Variants in PAICS observed in about 807,000 individuals in gnomAD.
PAICS encodes bifunctional phosphoribosylaminoimidazole carboxylase/phosphoribosylaminoimidazole succinocarboxamide synthetase.
A neutral mutation model predicts 53.7 loss-of-function variants in PAICS; 33 were observed. The ratio of observed to expected loss-of-function variants is 0.61; its 90% confidence interval spans 0.47 to 0.82. The LOEUF (loss-of-function observed/expected upper bound fraction) is 0.82, where lower values mean the gene tolerates loss of function less well. PAICS is among the 40% of genes least tolerant of loss of function. The probability of loss-of-function intolerance (pLI) is 0.00; values close to 1 mark genes in which losing one functional copy is unlikely to be tolerated. For missense variants in PAICS, 394 were observed against 494.1 expected (o/e 0.80, Z 1.92); for synonymous variants, 141 against 167.2 (o/e 0.84, Z 1.21).
At chr4:56,433,566 C>A (rs1717719756), upstream of PAICS, among the ~76,000 whole-genome samples, 2 of 151,424 alleles carry the variant, frequency 1.3e-5, no homozygotes, top group Admixed American at 1.3e-4. Context: ...ATGAAAATTT[C>A]TTGAATAACT....
At chr4:56,446,985 G>C in intron 3 of PAICS, 112 bp downstream of exon 3, 2 of 600,734 alleles carry the variant, frequency 3.3e-6, no homozygotes, top group Non-Finnish European at 5.2e-6. Context: ...TTTTGATATT[G>C]CAAATGTCAT....
At chr4:56,435,900 G>A (rs1717898884), upstream of PAICS, 3 of 1,486,220 alleles carry the variant, frequency 2.0e-6, no homozygotes, top group Non-Finnish European at 2.7e-6. Flanking sequence ...GCCCTTCCCT[G>A]CATGCTTCCC....
At chr4:56,422,516 T>A in the PAICS span, 11 of 138,334 alleles carry the variant, frequency 8.0e-5, no homozygotes, top group Admixed American at 2.3e-4. Context: ...TGTGTGTGTG[T>A]GACAAAGTAT....
intron 1 of PAICS, among the ~76,000 whole-genome samples, chr4:56,440,879 C>T (rs548412501): frequency 5.3e-5 from 8 of 152,254 alleles, no homozygotes; most frequent in South Asian, 4.1e-4. Context: ...TTCTCTCTTT[C>T]GAAATTTTAA....
chr4:56,454,099 C>G (rs543787986), intron 8 of PAICS, among the ~76,000 whole-genome samples: 95 of 152,260 alleles, frequency 6.2e-4, no homozygotes, highest in African/African-American at 2.2e-3. Context: ...CTTCCTCTTT[C>G]AAGTTGACCA....
the PAICS span, among the ~76,000 whole-genome samples, chr4:56,429,355 A>G: frequency 6.6e-6 from 1 of 152,224 alleles, no homozygotes; most frequent in African/African-American, 2.4e-5. Context: ...AGATGTAAAA[A>G]GAAAAAAATC....
upstream of PAICS, among the ~76,000 whole-genome samples, chr4:56,432,296 A>G: frequency 6.6e-6 from 1 of 152,092 alleles, no homozygotes; most frequent in Middle Eastern, 3.2e-3. Context: ...GGGAGACCGA[A>G]GAGGGTGGAT....
chr4:56,453,493 G>T, intron 7 of PAICS, 110 bp from the exon 8 acceptor site: 1 of 575,196 alleles, frequency 1.7e-6, no homozygotes, highest in Non-Finnish European at 3.0e-6. Flanking sequence ...GACTATTCAA[G>T]GACCTCAAGT....
At chr4:56,433,868 T>G (rs1383628689), upstream of PAICS, among the ~76,000 whole-genome samples, 1 of 152,140 alleles carries the variant, frequency 6.6e-6, no homozygotes, top group African/African-American at 2.4e-5. Context: ...CTAATTGTAT[T>G]TTTAGCAGAG....
intron 2 of PAICS, among the ~76,000 whole-genome samples, chr4:56,444,236 A>T (rs1718481057): frequency 6.6e-6 from 1 of 152,202 alleles, no homozygotes; most frequent in South Asian, 2.1e-4. Context: ...ACTGTAAAGG[A>T]CTATATAAAT....
chr4:56,444,805 ATC>A (rs1560659316), intron 2 of PAICS, among the ~76,000 whole-genome samples: 1 of 151,332 alleles, frequency 6.6e-6, no homozygotes, highest in African/African-American at 2.4e-5. Context: ...TGGCGGGGGG[ATC>A]TCTCTAAGAC....
intron 2 of PAICS, among the ~76,000 whole-genome samples, chr4:56,446,198 A>G (rs1270017478): frequency 1.3e-5 from 2 of 152,234 alleles, no homozygotes; most frequent in African/African-American, 4.8e-5. Context: ...CAGTGGCATT[A>G]TGTGCATTCA....
the PAICS span, among the ~76,000 whole-genome samples, chr4:56,414,693 C>CT: frequency 6.6e-6 from 1 of 152,126 alleles, no homozygotes; most frequent in African/African-American, 2.4e-5. Context: ...GGTCCAGACT[C>CT]TTTTCTATGG....
intron 1 of PAICS, 47 bp downstream of exon 1, chr4:56,436,375 G>A: frequency 7.0e-7 from 1 of 1,420,598 alleles, no homozygotes; most frequent in South Asian, 1.2e-5. Flanking sequence ...TGACCCCCAG[G>A]CCGTGAGCTC....
rs1183609244 is a variant in PAICS at position 56,453,749 on chromosome 4, C to T, written c.1099C>T (p.Arg367Ter). 4.3e-5 allele frequency: 66 copies of T among 1,545,086 alleles called. No individual in the cohort carries two copies. The highest frequency in any genetic ancestry group is 7.3e-5 in the East Asian group (3 of 40,878). The stretch of plus-strand genomic sequence containing the variant: ...AGTTCAGGATGTGTGGTCTTCTCTT[C>T]GACTACCCAGTGGTAAGATACATTG... ...WGVQDVWSSL[R>*]LPSGLGCSTV... The change falls in exon 8 of 9, where the codon CGA becomes TGA. Residue 367 changes from arginine (R) to a stop codon, truncating the protein, a stop_gained. Coordinates refer to ENST00000512576, the MANE Select transcript of PAICS (RefSeq NM_001079524.2). LOFTEE classifies it high-confidence loss of function.
In PAICS at chr4:56,459,540, A is replaced by G. The variant is rs1210753047; in HGVS notation, c.*2A>G. The G allele has an allele frequency of 2.6e-6, 4 of 1,539,856 alleles. No homozygotes were observed. On this transcript the variant is annotated 3_prime_UTR_variant, in exon 9 of 9. Transcript: ENST00000512576. ...AAAATCAGAGAATGTAATTTATAAG[A>G]AAGAATGCCATTGAATTTTTTAGGG...
At chr4:56,425,641 G>T in the PAICS span, among the ~76,000 whole-genome samples, 343 of 152,280 alleles carry the variant, frequency 2.3e-3, no homozygotes, top group African/African-American at 7.7e-3. Flanking sequence ...CAGAGACAGA[G>T]GCATCTTTGT....
chr4:56,419,012 T>C, the PAICS span, among the ~76,000 whole-genome samples: 1 of 152,244 alleles, frequency 6.6e-6, no homozygotes, highest in Non-Finnish European at 1.5e-5. Context: ...GCACTGATTG[T>C]TCTGTGTGAC....
In PAICS at chr4:56,441,807, C is replaced by A; in HGVS notation, c.161C>A (p.Ala54Asp). Residue 54 changes from alanine (A) to aspartate (D), a missense_variant, in exon 2 of 9, where the codon GCT becomes GAT. Ala to Asp is a moderately radical substitution (Grantham distance 126). Around this residue, in one of 3 missense-constraint regions of PAICS, gnomAD observed 168 missense variants for 199.3 expected, o/e 0.84. Transcript: ENST00000512576. ...AGAAAAAACCACCTGGAAGGAAAAG[C>A]TGCAATCTCAAATAAAATCACCAGT... ...AARKNHLEGKAAISNKITSCI... is the reference protein window; with the variant it reads ...AARKNHLEGKDAISNKITSCI... 1 of 1,600,754 alleles carries A rather than the reference C, an allele frequency of 6.2e-7. No individual in the cohort carries two copies. The highest frequency in any genetic ancestry group is 8.5e-7 in the Non-Finnish European group (1 of 1,173,164).
Sources: allele counts gnomAD v4.1 joint callset (sites outside exome capture counted in the v4.1 genomes callset), GRCh38; gene constraint gnomAD v4.1.1; regional missense constraint gnomAD v4.1.1; transcripts MANE v1.5; gene names NCBI Gene and HGNC (gene_info 2026-07-23, HGNC 2026-07-21).